DDR1: variants seen among roughly 807,000 people sequenced by gnomAD.
DDR1 encodes the protein epithelial discoidin domain-containing receptor 1.
In DDR1, 64 loss-of-function variants were observed where a neutral mutation model predicts 97.4. The observed-to-expected ratio is 0.66, with a 90% CI of 0.54 to 0.81. DDR1 has a LOEUF of 0.81. Ranked by LOEUF, DDR1 falls within the 30% of genes least tolerant of loss-of-function variation. DDR1 has a pLI of 0.00. For missense variants in DDR1, 990 were observed against 1,259.6 expected, an observed-to-expected ratio of 0.79 and a Z score of 3.24; for synonymous variants, 458 against 503.7, an observed-to-expected ratio of 0.91 and a Z score of 1.21.
At position 30,892,087 on chromosome 6, in the gene DDR1, C is replaced by G. The variant is rs773340268; in HGVS notation, c.751C>G (p.Pro251Ala). The change falls in exon 7 of 18, where the codon CCA (proline) becomes GCA (alanine). Residue 251 changes from proline (P) to alanine (A), a missense_variant. By Grantham distance (27) the Pro-to-Ala change is conservative. Coordinates refer to ENST00000376568, the MANE Select transcript of DDR1 (RefSeq NM_001297654.2). The stretch of plus-strand genomic sequence containing the variant: ...GAAGAGTCAGGAGCTGCGGGTCTGG[C>G]CAGGCTATGACTATGTGGGATGGAG... ...FRKSQELRVW[P>A]GYDYVGWSNH... 1.9e-6 allele frequency: 3 copies of G among 1,614,126 alleles called. No individual in the cohort carries two copies. Among genetic ancestry groups the G allele is most frequent in the Non-Finnish European group, 2.5e-6 (3 of 1,180,006 alleles).
chr6:30,889,447 C>T lies in DDR1; in HGVS notation c.417+17C>T. 6.7e-7 allele frequency: 1 copy of T among 1,492,512 alleles called. No homozygotes were observed. The highest frequency in any genetic ancestry group is 8.9e-7 in the Non-Finnish European group (1 of 1,121,824). The allele number at this position is 1,492,512 out of a possible 1,614,324, so 92.5% of individuals were successfully genotyped here. ...GGTCAGGAGGTGAGACTGGCAGGGG[C>T]AGCACCCAGAGGAGGTTGGCTCTCC... On this transcript the variant is annotated intron_variant, in intron 4 of 17. Coordinates refer to ENST00000376568, the MANE Select transcript of DDR1 (RefSeq NM_001297654.2). This position sits in a 1 kb window ranked among gnomAD's most constrained non-coding sequence, Gnocchi z 4.9.
rs1381778858 is a variant in DDR1, at chr6:30,898,879, G to A, written c.2452-9G>A. On this transcript the variant is annotated splice_polypyrimidine_tract_variant and intron_variant, in intron 16 of 17. Transcript: ENST00000376568. ...CCTGTCTGTTTTTGCTGCCTTCTCT[G>A]CATCCCAGGGGAAGTTCACGACTGC... 6.2e-7 allele frequency: 1 copy of A among 1,601,742 alleles called. No individual in the cohort carries two copies. The highest frequency in any genetic ancestry group is 1.1e-5 in the South Asian group (1 of 90,266).
Position 30,897,585 on chromosome 6 carries a change from G to C in DDR1, c.2204G>C (p.Gly735Ala). 1.2e-6 allele frequency: 2 copies of C among 1,611,042 alleles called. No individual in the cohort carries two copies. The highest frequency in any genetic ancestry group is 2.7e-5 in the African/African-American group (2 of 74,996). Residue 735 changes from glycine to alanine, a missense_variant, in exon 15 of 18, where the codon GGG (glycine) becomes GCG (alanine). Physicochemically the swap from Gly to Ala is moderately conservative, Grantham distance 60 (BLOSUM62 0). Transcript: ENST00000376568. This position sits in a 1 kb window ranked among gnomAD's most constrained non-coding sequence, Gnocchi z 5.2. Reference protein sequence around the residue: ...GAPGDGQAAQGPTISYPMLLH... With the variant: ...GAPGDGQAAQAPTISYPMLLH... ...CCTGGGGACGGGCAGGCTGCGCAGG[G>C]GCCCACCATCAGGTACCTGCTTACC... is the stretch of plus-strand genomic sequence containing the variant.
In DDR1 at chr6:30,894,628, T is replaced by A. The variant is rs767064139; in HGVS notation, c.1470T>A (p.Arg490=). The A allele has an allele frequency of 1.2e-6, 2 of 1,612,152 alleles. No individual in the cohort carries two copies. Among genetic ancestry groups the A allele is most frequent in the Non-Finnish European group, 8.5e-7 (1 of 1,179,130 alleles). ...CCCCGTACCAGGAGCCCCGGCCTCG[T>A]GGGAATCCGCCCCACTCCGCTCCCT... ...EPPPYQEPRP[R]GNPPHSAPCV... Residue 490 remains arginine, a synonymous_variant, in exon 11 of 18, where the codon CGT becomes CGA. Transcript: ENST00000376568. The surrounding 1 kb of genome is among the most constrained non-coding windows in gnomAD (Gnocchi z 5.7).
At position 30,892,292 on chromosome 6, in the gene DDR1, C is replaced by T. The variant is rs747554971; in HGVS notation, c.853-4C>T. The T allele has an allele frequency of 3.8e-6, 6 of 1,577,120 alleles. No homozygotes were observed. Among genetic ancestry groups the T allele is most frequent in the South Asian group, 1.2e-5 (1 of 85,784 alleles). ...GACCCTGTGCCCTCTTCCCTTCCCC[C>T]CAGGTCCACTGTAACAACATGCACA... On this transcript the variant is annotated splice_polypyrimidine_tract_variant and splice_region_variant and intron_variant, in intron 7 of 17. Transcript: ENST00000376568.
In DDR1 at chr6:30,891,569, G is replaced by A; in HGVS notation, c.665+90G>A. ...TGTGTGTGTGTGTGAGAGTGTGTGT[G>A]TGTAGGGGGGCTGGTAAGTAGGGTG... On this transcript the variant is annotated intron_variant, in intron 6 of 17. Transcript: ENST00000376568. The surrounding 1 kb of genome is among the most constrained non-coding windows in gnomAD (Gnocchi z 5.3). 7.7e-6 allele frequency: 7 copies of A among 907,174 alleles called. No individual in the cohort carries two copies. The highest frequency in any genetic ancestry group is 1.0e-5 in the Non-Finnish European group (6 of 581,666). The allele number at this position is 907,174 out of a possible 1,614,324, so 56.2% of individuals were successfully genotyped here. A position where few individuals can be genotyped will look rare whatever the true frequency, so the allele number is the denominator to read the frequency against.
rs775192640 is a variant in DDR1 at position 30,899,196 on chromosome 6, A to T, written c.2642A>T (p.Tyr881Phe). The change falls in exon 18 of 18, where the codon TAT becomes TTT. Residue 881 changes from tyrosine to phenylalanine, a missense_variant. Physicochemically the swap from Tyr to Phe is conservative, Grantham distance 22. Transcript: ENST00000376568. ...SRPPACPQGL[Y>F]ELMLRCWSRE... ...CCGCCTGCCTGCCCGCAGGGCCTATATGAGCTGATGCTTCGGTGCTGGAGC... is the reference window on the plus strand; with the variant it reads ...CCGCCTGCCTGCCCGCAGGGCCTATTTGAGCTGATGCTTCGGTGCTGGAGC... 3 of 1,614,074 alleles carry T rather than the reference A, an allele frequency of 1.9e-6. No homozygotes were observed. In the African/African-American group the frequency reaches 4.0e-5, roughly 22 times the overall value.
At chr6:30,885,130 A>C in intron 1 of DDR1, 1 of 1,443,642 alleles carries the variant, frequency 6.9e-7, no homozygotes, top group Non-Finnish European at 9.4e-7. Context: ...CAGTCTGGTC[A>C]CAGTCCAGCA....
At chr6:30,893,593 C>T (rs1225261486) in intron 10 of DDR1, among the ~76,000 whole-genome samples, 170 bp downstream of exon 10, 2 of 152,226 alleles carry the variant, frequency 1.3e-5, no homozygotes, top group Non-Finnish European at 2.9e-5. Context: ...GGGAGGGCTG[C>T]TCCCCAGCTC....
At chr6:30,892,955 C>T in intron 8 of DDR1, 113 bp from the exon 9 acceptor site, 1 of 935,356 alleles carries the variant, frequency 1.1e-6, no homozygotes, top group African/African-American at 1.6e-5. Flanking sequence ...CAGTGGTTGC[C>T]TATTGAGAAT....
Position 30,898,150 on chromosome 6 carries a change from G to A in DDR1, c.2294G>A (p.Arg765Gln), listed in dbSNP as rs373740847. 4 of 1,614,250 alleles carry A rather than the reference G, an allele frequency of 2.5e-6. No individual in the cohort carries two copies. The highest frequency in any genetic ancestry group is 3.4e-6 in the Non-Finnish European group (4 of 1,180,038). ...CTGGCCACACTCAACTTTGTACATC[G>A]GGACCTGGCCACGCGGAACTGCCTA... ...RYLATLNFVH[R>Q]DLATRNCLVG... is the part of the protein sequence containing the mutation. The change falls in exon 16 of 18, where the codon CGG (arginine) becomes CAG (glutamine). Residue 765 changes from arginine to glutamine, a missense_variant. Arg to Gln is a conservative substitution (Grantham distance 43). Transcript: ENST00000376568.
At position 30,896,724 on chromosome 6, in the gene DDR1, C is replaced by G; in HGVS notation, c.1728C>G (p.Thr576=). ...ATTATGCCGAGGCTGACATTGTTAC[C>G]CTGCAGGGCGTCACCGGGGGCAACA... The part of the protein sequence containing the change: ...VPHYAEADIV[T]LQGVTGGNTY... The change falls in exon 13 of 18, where the codon ACC becomes ACG. Residue 576 remains threonine (T), a synonymous_variant. Coordinates refer to ENST00000376568, the MANE Select transcript of DDR1 (RefSeq NM_001297654.2). 6.2e-7 allele frequency: 1 copy of G among 1,602,206 alleles called. No homozygotes were observed. The highest frequency in any genetic ancestry group is 8.5e-7 in the Non-Finnish European group (1 of 1,173,870).
chr6:30,884,149 C>T (rs1218010940), upstream of DDR1: 6 of 152,240 alleles, frequency 3.9e-5, 1 homozygote, highest in Admixed American at 3.9e-4. The surrounding 1 kb of genome is among the most constrained non-coding windows in gnomAD (Gnocchi z 6.1). Flanking sequence ...TTTGGAGGTT[C>T]TCGTTTGGGG....
chr6:30,896,649 G>A lies in DDR1; in HGVS notation c.1653G>A (p.Glu551=). The part of the protein sequence containing the change: ...QAYSGDYMEP[E]KPGAPLLPPP... ...ACAGTGGGGACTATATGGAGCCTGA[G>A]AAGCCAGGCGCCCCGCTTCTGCCCC... Residue 551 remains glutamate, a synonymous_variant, in exon 13 of 18, where the codon GAG becomes GAA. Coordinates refer to ENST00000376568, the MANE Select transcript of DDR1 (RefSeq NM_001297654.2). 6.2e-7 allele frequency: 1 copy of A among 1,613,610 alleles called. No individual in the cohort carries two copies. The highest frequency in any genetic ancestry group is 8.5e-7 in the Non-Finnish European group (1 of 1,179,830).
At position 30,897,654 on chromosome 6, in the gene DDR1, C is replaced by G; in HGVS notation, c.2216+57C>G. 7.1e-7 allele frequency: 1 copy of G among 1,407,734 alleles called. No individual in the cohort carries two copies. 87.2% of individuals were successfully genotyped at this position (1,407,734 alleles called of 1,614,324 possible). A position where few individuals can be genotyped will look rare whatever the true frequency, so the allele number is the denominator to read the frequency against. On this transcript the variant is annotated intron_variant, in intron 15 of 17. Coordinates refer to ENST00000376568, the MANE Select transcript of DDR1 (RefSeq NM_001297654.2). The surrounding 1 kb of genome is among the most constrained non-coding windows in gnomAD (Gnocchi z 5.2). ...GAATTCCCCCAGGGGATCTCCTCCT[C>G]TCCCCTCGCTTCAGCCTGGAGGAAA... is the stretch of plus-strand genomic sequence containing the variant.
Position 30,899,207 on chromosome 6 carries a change from C to T in DDR1, c.2653C>T (p.Leu885Phe), listed in dbSNP as rs762396225. Residue 885 changes from leucine to phenylalanine, a missense_variant, in exon 18 of 18, where the codon CTT becomes TTT. Physicochemically the swap from Leu to Phe is conservative, Grantham distance 22. Transcript: ENST00000376568. ...CCCGCAGGGCCTATATGAGCTGATG[C>T]TTCGGTGCTGGAGCCGGGAGTCTGA... Reference protein sequence around the residue: ...ACPQGLYELMLRCWSRESEQR... With the variant: ...ACPQGLYELMFRCWSRESEQR... The T allele has an allele frequency of 1.2e-6, 2 of 1,614,080 alleles. No individual in the cohort carries two copies. The highest frequency in any genetic ancestry group is 2.2e-5 in the South Asian group (2 of 91,088).
rs1791465820 is a variant in DDR1 at position 30,897,756 on chromosome 6, AG to A, written c.2216+161del. On this transcript the variant is annotated intron_variant, in intron 15 of 17. Transcript: ENST00000376568. The surrounding 1 kb of genome is among the most constrained non-coding windows in gnomAD (Gnocchi z 5.2). ...TAAGGAATGTGTGACAAGTTAACCCAGGAACATGGACAGAAAGGCTGGAGGT... is the reference window on the plus strand; with the variant it reads ...TAAGGAATGTGTGACAAGTTAACCCAGAACATGGACAGAAAGGCTGGAGGT... Among the ~76,000 whole-genome samples, 1 of 152,224 alleles carries A rather than the reference AG, an allele frequency of 6.6e-6. No homozygotes were observed. Among genetic ancestry groups the A allele is most frequent in the Non-Finnish European group, 1.5e-5 (1 of 68,034 alleles).
rs767860253 is a variant in DDR1 at position 30,892,708 on chromosome 6, T to C, written c.1099+166T>C. 93 of 874,806 alleles carry C rather than the reference T, an allele frequency of 1.1e-4. 1 individual carries two copies. The highest frequency in any genetic ancestry group is 1.3e-4 in the Non-Finnish European group (76 of 594,780). 54.2% of individuals were successfully genotyped at this position (874,806 alleles called of 1,614,324 possible). A position where few individuals can be genotyped will look rare whatever the true frequency, so the allele number is the denominator to read the frequency against. Reference sequence around the variant, plus strand: ...CAAATAACTTGAGCCCCTTTCTGCCTCTTGTTCTCTGCGTATCCATCTTTC... The same window carrying C: ...CAAATAACTTGAGCCCCTTTCTGCCCCTTGTTCTCTGCGTATCCATCTTTC... On this transcript the variant is annotated intron_variant, in intron 8 of 17. Coordinates refer to ENST00000376568, the MANE Select transcript of DDR1 (RefSeq NM_001297654.2).
At position 30,896,733 on chromosome 6, in the gene DDR1, C is replaced by T. The variant is rs750214751; in HGVS notation, c.1737C>T (p.Gly579=). Residue 579 remains glycine, a synonymous_variant, in exon 13 of 18, where the codon GGC becomes GGT. Coordinates refer to ENST00000376568, the MANE Select transcript of DDR1 (RefSeq NM_001297654.2). Reference sequence around the variant, plus strand: ...AGGCTGACATTGTTACCCTGCAGGGCGTCACCGGGGGCAACACCTATGCTG... The same window carrying T: ...AGGCTGACATTGTTACCCTGCAGGGTGTCACCGGGGGCAACACCTATGCTG... ...YAEADIVTLQ[G]VTGGNTYAVP... 13 of 1,598,010 alleles carry T rather than the reference C, an allele frequency of 8.1e-6. No individual in the cohort carries two copies. Among genetic ancestry groups the T allele is most frequent in the East Asian group, 2.2e-5 (1 of 44,660 alleles).
Sources: gnomAD v4.1 joint callset for allele counts (sites outside exome capture counted in the v4.1 genomes callset) on GRCh38, gnomAD v4.1.1 for gene constraint, Gnocchi (gnomAD v3.1) non-coding constraint, MANE v1.5 for transcripts, NCBI Gene and HGNC (gene_info 2026-07-23, HGNC 2026-07-21) for gene names.